The following GSE1 variants were observed in gnomAD, a reference collection of about 807,000 sequenced individuals.
GSE1 encodes the protein genetic suppressor element 1.
GSE1 carries 32 observed loss-of-function variants against 112.6 expected under a neutral mutation model. The observed-to-expected ratio is 0.28, with a 90% confidence interval of 0.21 to 0.38. The LOEUF is 0.38. Ranked by LOEUF, GSE1 falls within the 10% of genes least tolerant of loss-of-function variation. GSE1 has a pLI of 1.00. For synonymous variants in GSE1, 1,115 were observed against 735.6 expected, an observed-to-expected ratio of 1.52 and a Z score of -8.35; for missense variants, 2,348 against 1,699.2, an observed-to-expected ratio of 1.38 and a Z score of -6.71.
At chr16:85,260,402 C>G (rs1450004100) in intron 1 of GSE1, among the ~76,000 whole-genome samples, 9 of 139,660 alleles carry the variant, frequency 6.4e-5, no homozygotes, top group African/African-American at 1.9e-4. Flanking sequence ...TGGCTCACTG[C>G]AATTCTACCT....
rs67916368 is a variant in GSE1 at position 85,443,982 on chromosome 16, C to CTTTTTTT, written c.2464+86354_2464+86360dup. 1.5e-4 allele frequency among the ~76,000 whole-genome samples: 12 copies of CTTTTTTT among 77,632 alleles called. 3 individuals carry two copies. Among genetic ancestry groups the CTTTTTTT allele is most frequent in the South Asian group, 1.3e-3 (2 of 1,574 alleles). 50.9% of individuals were successfully genotyped at this position (77,632 alleles called of 152,430 possible). A position where few individuals can be genotyped will look rare whatever the true frequency, so the allele number is the denominator to read the frequency against. On this transcript the variant is annotated intron_variant, in intron 2 of 2. Coordinates refer to the GSE1 transcript ENST00000637419. ...CCACGTTCCGGGAGACAAGGGGGCG[C>CTTTTTTT]TTTTTTTTTTTTTTTTTTTTTGAGA... is the stretch of plus-strand genomic sequence containing the variant.
At chr16:85,331,273 C>G (rs1009025498) in intron 1 of GSE1, among the ~76,000 whole-genome samples, 1 of 149,658 alleles carries the variant, frequency 6.7e-6, no homozygotes, top group Non-Finnish European at 1.5e-5. Flanking sequence ...CTGCCTCAGC[C>G]TCCCAAGTAG....
At chr16:85,337,307 CTTTTTTTTTTT>C (rs750709031) in intron 1 of GSE1, among the ~76,000 whole-genome samples, 1 of 133,524 alleles carries the variant, frequency 7.5e-6, no homozygotes, top group Non-Finnish European at 1.6e-5. Flanking sequence ...CTTTTCTTTT[CTTTTTTTTTTT>C]TTTTTGAGAC....
chr16:85,451,970 C>T, intron 2 of GSE1, among the ~76,000 whole-genome samples: 1 of 152,076 alleles, frequency 6.6e-6, no homozygotes, highest in East Asian at 1.9e-4. Flanking sequence ...TGCCTCCCCC[C>T]CTCACCGAGT....
At chr16:85,620,472 A>G (rs933545674) in intron 1 of GSE1, among the ~76,000 whole-genome samples, 2 of 152,248 alleles carry the variant, frequency 1.3e-5, no homozygotes, top group Non-Finnish European at 2.9e-5. Flanking sequence ...AGCCGATGCT[A>G]TACTGGGTGT....
At chr16:85,318,683 C>T (rs1234741150) in intron 1 of GSE1, among the ~76,000 whole-genome samples, 3 of 152,154 alleles carry the variant, frequency 2.0e-5, no homozygotes, top group East Asian at 1.9e-4. Context: ...TTCAGGTCAG[C>T]GTCAGAGGTG....
chr16:85,668,800 C>T (rs1246738139), intron 14 of GSE1, among the ~76,000 whole-genome samples: 3 of 152,222 alleles, frequency 2.0e-5, no homozygotes, highest in Non-Finnish European at 2.9e-5. Flanking sequence ...GTCACTGCTC[C>T]AGCATGCCTC....
chr16:85,663,046 C>G lies in GSE1; in HGVS notation c.2326C>G (p.Arg776Gly). 5 of 1,613,220 alleles carry G rather than the reference C, an allele frequency of 3.1e-6. No homozygotes were observed. The highest frequency in any genetic ancestry group is 4.2e-6 in the Non-Finnish European group (5 of 1,179,850). Residue 776 changes from arginine to glycine, a missense_variant, in exon 10 of 16, where the codon CGT (arginine) becomes GGT (glycine). By Grantham distance (125) the Arg-to-Gly change is moderately radical. Coordinates refer to ENST00000253458, the MANE Select transcript of GSE1 (RefSeq NM_014615.5). ...TGAGGAGGAGGTCAGGGCCCACCTC[C>G]GTTGCGTGGCCGAGCAGCCGCCCCT... is the stretch of plus-strand genomic sequence containing the variant. The part of the protein sequence containing the change: ...SDEEEVRAHL[R>G]CVAEQPPLKL...
chr16:85,619,694 C>T (rs2048608108), intron 1 of GSE1, among the ~76,000 whole-genome samples: 1 of 152,158 alleles, frequency 6.6e-6, no homozygotes, highest in South Asian at 2.1e-4. Flanking sequence ...CTGCCCCAGC[C>T]TATGAGGGTC....
intron 1 of GSE1, among the ~76,000 whole-genome samples, chr16:85,180,484 C>T (rs905762883): frequency 3.9e-5 from 6 of 152,236 alleles, no homozygotes; most frequent in East Asian, 3.8e-4. Context: ...TGCAAGGGGA[C>T]GCCAGTGTCA....
At chr16:85,596,598 A>G (rs1482558332) in intron 1 of GSE1, among the ~76,000 whole-genome samples, 2 of 152,370 alleles carry the variant, frequency 1.3e-5, no homozygotes, top group South Asian at 4.1e-4. Context: ...AGTAGCCACT[A>G]TCTATTTATG....
chr16:85,186,062 T>C (rs889864426), intron 1 of GSE1, among the ~76,000 whole-genome samples: 2 of 152,184 alleles, frequency 1.3e-5, no homozygotes, highest in South Asian at 2.1e-4. Context: ...CATCTGACCA[T>C]AGTCACCACT....
intron 2 of GSE1, among the ~76,000 whole-genome samples, chr16:85,529,827 G>C (rs2044080069): frequency 6.6e-6 from 1 of 152,226 alleles, no homozygotes; most frequent in African/African-American, 2.4e-5. Context: ...TGGGAAACAG[G>C]ACCCAGAATG....
upstream of GSE1, among the ~76,000 whole-genome samples, chr16:85,554,295 G>A (rs116025716): frequency 4.3e-3 from 648 of 152,278 alleles, 6 homozygotes; most frequent in African/African-American, 0.015. Flanking sequence ...GGGCCTTCTT[G>A]AGCTGGTGTG....
intron 2 of GSE1, among the ~76,000 whole-genome samples, chr16:85,485,294 C>A (rs929180090): frequency 1.3e-5 from 2 of 152,248 alleles, no homozygotes; most frequent in Non-Finnish European, 2.9e-5. Flanking sequence ...TGGCGTTGGT[C>A]CGGAGAGGGA....
chr16:85,445,511 G>T (rs1046180694), intron 2 of GSE1, among the ~76,000 whole-genome samples: 18 of 152,346 alleles, frequency 1.2e-4, no homozygotes, highest in Admixed American at 9.1e-4. Context: ...TTTGCGTGGC[G>T]GGCGGCTGGC....
At chr16:85,313,347 C>T (rs907710011) in intron 1 of GSE1, among the ~76,000 whole-genome samples, 17 of 152,130 alleles carry the variant, frequency 1.1e-4, no homozygotes, top group African/African-American at 4.1e-4. Flanking sequence ...CCTTGTCCAG[C>T]GTGATTCCGT....
intron 2 of GSE1, among the ~76,000 whole-genome samples, chr16:85,437,300 C>T (rs1196965932): frequency 2.0e-5 from 3 of 152,206 alleles, no homozygotes; most frequent in African/African-American, 4.8e-5. Flanking sequence ...GGGGGAGGGG[C>T]GAGGAGTGCC....
rs192993768 is a variant in GSE1 at position 85,596,792 on chromosome 16, T to C, written c.37+40429T>C. On this transcript the variant is annotated intron_variant, in intron 1 of 2. Transcript: ENST00000635906. ...AGCGCACAGCTGTAATCCCAGCACT[T>C]TGGGAGGCCAAGGCGGGCAGATCGC... Among the ~76,000 whole-genome samples the C allele has an allele frequency of 1.9e-3, 287 of 152,142 alleles. 2 individuals are homozygous for C. Among genetic ancestry groups the C allele is most frequent in the African/African-American group, 6.5e-3 (271 of 41,530 alleles).
Sources: gnomAD v4.1 joint callset for allele counts (sites outside exome capture counted in the v4.1 genomes callset) on GRCh38, gnomAD v4.1.1 for gene constraint, MANE v1.5 for transcripts, NCBI Gene and HGNC (gene_info 2026-07-23, HGNC 2026-07-21) for gene names.